The following PTPRQ variants were observed in gnomAD, a reference collection of about 807,000 sequenced individuals.
PTPRQ encodes protein tyrosine phosphatase receptor type Q.
PTPRQ carries 199 observed loss-of-function variants against 246.0 expected under a neutral mutation model. The observed-to-expected ratio is 0.81, with a 90% CI of 0.72 to 0.91. PTPRQ has a LOEUF of 0.91. Among genes scored for constraint, PTPRQ ranks in the 40% least tolerant of loss-of-function variants. The pLI is 0.00. For missense variants in PTPRQ, 2,624 were observed against 2,528.4 expected (o/e 1.04, Z -0.81); for synonymous variants, 869 against 853.2 (o/e 1.02, Z -0.32).
intron 33 of PTPRQ, among the ~76,000 whole-genome samples, chr12:80,625,126 T>C (rs754166124): frequency 1.4e-4 from 21 of 152,258 alleles, no homozygotes; most frequent in Non-Finnish European, 2.2e-4. Context: ...GTGGCAAGAA[T>C]GGTTTCATGG....
intron 27 of PTPRQ, among the ~76,000 whole-genome samples, chr12:80,608,368 G>T (rs1208053731): frequency 1.3e-5 from 2 of 150,460 alleles, no homozygotes; most frequent in Non-Finnish European, 3.0e-5. Flanking sequence ...AACAACAAAG[G>T]TGTAGTAGGT....
chr12:80,527,811 G>T (rs1895732806), intron 17 of PTPRQ, among the ~76,000 whole-genome samples: 1 of 151,568 alleles, frequency 6.6e-6, no homozygotes, highest in South Asian at 2.1e-4. Context: ...CATAACTACA[G>T]ATATCTAAAA....
At chr12:80,634,136 C>G (rs1899549870) in intron 34 of PTPRQ, among the ~76,000 whole-genome samples, 1 of 151,750 alleles carries the variant, frequency 6.6e-6, no homozygotes, top group Non-Finnish European at 1.5e-5. Context: ...CTTTTTTTCT[C>G]TTTTCATGTT....
intron 38 of PTPRQ, among the ~76,000 whole-genome samples, chr12:80,654,049 TTTTC>T (rs1371123402): frequency 1.4e-5 from 2 of 147,260 alleles, no homozygotes; most frequent in African/African-American, 5.4e-5. Context: ...TCTTTCTTTC[TTTTC>T]TTTCTTTCTC....
At chr12:80,642,928 A>AAAC (rs1349689219) in intron 35 of PTPRQ, among the ~76,000 whole-genome samples, 2 of 140,740 alleles carry the variant, frequency 1.4e-5, no homozygotes, top group African/African-American at 6.1e-5. Context: ...TTAAAAAAAA[A>AAAC]AAAAAAAAAA....
chr12:80,521,681 G>A (rs1188327368), intron 17 of PTPRQ, among the ~76,000 whole-genome samples: 9 of 152,124 alleles, frequency 5.9e-5, no homozygotes, highest in African/African-American at 2.2e-4. Context: ...GTAGATATGA[G>A]GCGTTATTTC....
chr12:80,621,669 A>G (rs1260121338), intron 32 of PTPRQ, among the ~76,000 whole-genome samples: 1 of 152,002 alleles, frequency 6.6e-6, no homozygotes. Context: ...ATTCACTAGC[A>G]TTTGCAAAAG....
intron 7 of PTPRQ, among the ~76,000 whole-genome samples, chr12:80,469,462 G>A (rs1893553903): frequency 6.6e-6 from 1 of 152,122 alleles, no homozygotes; most frequent in Non-Finnish European, 1.5e-5. Flanking sequence ...ATCATTAGAA[G>A]TGAATTATGT....
intron 44 of PTPRQ, 125 bp from the exon 45 acceptor site, chr12:80,678,861 T>G: frequency 1.5e-6 from 2 of 1,298,164 alleles, no homozygotes; most frequent in Non-Finnish European, 2.0e-6. Context: ...TTTCTTTAAC[T>G]TTTCTCTAAT....
chr12:80,444,417 T>C lies in PTPRQ; in HGVS notation c.54+18T>C. 1 of 1,379,610 alleles carries C rather than the reference T, an allele frequency of 7.2e-7. No individual in the cohort carries two copies. Among genetic ancestry groups the C allele is most frequent in the Non-Finnish European group, 1.0e-6 (1 of 994,040 alleles). 85.5% of individuals were successfully genotyped at this position (1,379,610 alleles called of 1,614,324 possible). A position where few individuals can be genotyped will look rare whatever the true frequency, so the allele number is the denominator to read the frequency against. On this transcript the variant is annotated intron_variant, in intron 1 of 44. Coordinates refer to ENST00000644991, the MANE Select transcript of PTPRQ (RefSeq NM_001145026.2). ...AGACACAGGTATTTCGTATACACTC[T>C]TTAAAAACAAGGGCTAAGTCATGGG...
At chr12:80,472,359 T>C in intron 8 of PTPRQ, 108 bp downstream of exon 8, 1 of 1,405,516 alleles carries the variant, frequency 7.1e-7, no homozygotes, top group Non-Finnish European at 9.6e-7. Context: ...TTAAATCATG[T>C]TATTTCCTTA....
At chr12:80,471,508 C>T (rs10862135) in intron 7 of PTPRQ, among the ~76,000 whole-genome samples, 3,295 of 11,666 alleles carry the variant, frequency 0.28, 697 homozygotes, top group Middle Eastern at 0.56. Flanking sequence ...GACAGAGTCT[C>T]GCTCTGTCGC....
At chr12:80,646,811 C>T (rs928131810) in intron 35 of PTPRQ, among the ~76,000 whole-genome samples, 13 of 151,708 alleles carry the variant, frequency 8.6e-5, no homozygotes, top group African/African-American at 3.1e-4. Context: ...AATAGTGAAA[C>T]AGCAACTTTT....
intron 27 of PTPRQ, among the ~76,000 whole-genome samples, chr12:80,606,304 T>A (rs1898318139): frequency 6.6e-6 from 1 of 150,848 alleles, no homozygotes; most frequent in Admixed American, 6.6e-5. Context: ...TAAGAGTGAA[T>A]GAGATTCACT....
At chr12:80,614,982 G>A (rs550209603) in intron 29 of PTPRQ, among the ~76,000 whole-genome samples, 5 of 150,872 alleles carry the variant, frequency 3.3e-5, no homozygotes, top group Non-Finnish European at 7.4e-5. Context: ...AAACCTTGAA[G>A]TTTGTTAGGA....
intron 19 of PTPRQ, among the ~76,000 whole-genome samples, chr12:80,537,628 A>T (rs538194165): frequency 4.6e-5 from 7 of 152,342 alleles, no homozygotes; most frequent in African/African-American, 1.7e-4. Flanking sequence ...TTGAGTATGT[A>T]GCGAAGCCAT....
At chr12:80,553,351 A>G (rs548266765) in intron 25 of PTPRQ, among the ~76,000 whole-genome samples, 4 of 147,658 alleles carry the variant, frequency 2.7e-5, no homozygotes, top group Non-Finnish European at 6.0e-5. Context: ...TTATTAGGTA[A>G]TTGATTTTTT....
chr12:80,636,466 T>C (rs1237638605), intron 35 of PTPRQ, among the ~76,000 whole-genome samples: 4 of 152,214 alleles, frequency 2.6e-5, no homozygotes, highest in African/African-American at 7.2e-5. Flanking sequence ...TTTTCCCCTA[T>C]GGGCCAAATG....
chr12:80,672,491 G>A (rs1033190208), intron 42 of PTPRQ, among the ~76,000 whole-genome samples: 3 of 151,450 alleles, frequency 2.0e-5, no homozygotes, highest in South Asian at 2.1e-4. Context: ...AATTTTTTTC[G>A]ATTAACTTCC....
Sources: gnomAD v4.1 joint callset for allele counts (sites outside exome capture counted in the v4.1 genomes callset) on GRCh38, gnomAD v4.1.1 for gene constraint, MANE v1.5 for transcripts, NCBI Gene and HGNC (gene_info 2026-07-23, HGNC 2026-07-21) for gene names.